Variants in PDE8A observed in about 807,000 individuals in gnomAD.
PDE8A encodes phosphodiesterase 8A.
PDE8A carries 59 observed loss-of-function variants against 105.0 expected under a neutral mutation model. The observed-to-expected ratio is 0.56, with a 90% CI of 0.46 to 0.70. The LOEUF is 0.70. PDE8A is among the 30% of genes least tolerant of loss of function. The probability of loss-of-function intolerance (pLI) is 0.00; values close to 1 mark genes in which losing one functional copy is unlikely to be tolerated. For synonymous variants in PDE8A, 355 were observed against 371.9 expected (o/e 0.95, Z 0.52); for missense variants, 1,014 against 1,045.9 (o/e 0.97, Z 0.42).
intron 1 of PDE8A, among the ~76,000 whole-genome samples, chr15:85,020,564 A>G (rs1037008876): frequency 5.3e-5 from 8 of 152,232 alleles, no homozygotes; most frequent in African/African-American, 1.7e-4. Flanking sequence ...AAATTGTACC[A>G]CTGCACTCTA....
intron 3 of PDE8A, among the ~76,000 whole-genome samples, chr15:85,067,692 T>C (rs2081250880): frequency 6.6e-6 from 1 of 152,152 alleles, no homozygotes; most frequent in South Asian, 2.1e-4. Flanking sequence ...AAATATAAAA[T>C]TTTATGACAT....
chr15:84,985,507 G>C (rs1398961725), intron 1 of PDE8A, among the ~76,000 whole-genome samples: 1 of 152,088 alleles, frequency 6.6e-6, no homozygotes, highest in East Asian at 1.9e-4. Context: ...ACTTTCCCTA[G>C]CCAGGACTTG....
intron 1 of PDE8A, among the ~76,000 whole-genome samples, chr15:84,990,352 T>C (rs2079867610): frequency 6.6e-6 from 1 of 152,216 alleles, no homozygotes; most frequent in Non-Finnish European, 1.5e-5. Flanking sequence ...CACAATATTA[T>C]AATCACCCCC....
chr15:85,116,285 G>A, intron 16 of PDE8A, 166 bp downstream of exon 16: 1 of 601,162 alleles, frequency 1.7e-6, no homozygotes, highest in South Asian at 2.3e-5. Context: ...CAGGGCCTGG[G>A]GGAGAGTCTG....
intron 1 of PDE8A, among the ~76,000 whole-genome samples, chr15:84,990,259 T>A (rs1320532859): frequency 6.6e-6 from 1 of 152,200 alleles, no homozygotes; most frequent in Non-Finnish European, 1.5e-5. Context: ...AAGTAAAATG[T>A]GTAAATTTTA....
At chr15:85,087,188 G>A (rs1407076597) in intron 6 of PDE8A, among the ~76,000 whole-genome samples, 1 of 151,482 alleles carries the variant, frequency 6.6e-6, no homozygotes, top group African/African-American at 2.4e-5. Flanking sequence ...CAGCAATAAT[G>A]TAAAGGCATT....
At chr15:84,993,519 ATG>A (rs113236271) in intron 1 of PDE8A, among the ~76,000 whole-genome samples, 2 of 151,566 alleles carry the variant, frequency 1.3e-5, no homozygotes, top group African/African-American at 4.8e-5. Context: ...TCAGGAGATA[ATG>A]TCTCTTAAAA....
At chr15:85,065,760 G>A (rs1321027390) in intron 2 of PDE8A, among the ~76,000 whole-genome samples, 1 of 152,226 alleles carries the variant, frequency 6.6e-6, no homozygotes, top group African/African-American at 2.4e-5. Context: ...GCTTCTGAAG[G>A]GATGGAGCAC....
At chr15:85,116,871 G>A (rs1343476033) in intron 16 of PDE8A, among the ~76,000 whole-genome samples, 1 of 152,164 alleles carries the variant, frequency 6.6e-6, no homozygotes, top group African/African-American at 2.4e-5. Flanking sequence ...GCACAGCCAA[G>A]GAGAGTTGAA....
At chr15:85,073,665 G>C (rs1421404875) in intron 3 of PDE8A, among the ~76,000 whole-genome samples, 1 of 152,238 alleles carries the variant, frequency 6.6e-6, no homozygotes, top group Non-Finnish European at 1.5e-5. Context: ...TGATATGATG[G>C]AAATGTAAAC....
At chr15:85,013,015 A>G (rs2080266526) in intron 1 of PDE8A, among the ~76,000 whole-genome samples, 1 of 152,246 alleles carries the variant, frequency 6.6e-6, no homozygotes, top group Admixed American at 6.5e-5. Context: ...ACAGTTAAAC[A>G]GAAATCTGGG....
rs913714635 is a variant in PDE8A at position 85,115,479 on chromosome 15, C to A, written c.1391C>A (p.Ser464Ter). Residue 464 changes from serine (S) to a stop codon, truncating the protein, a stop_gained, in exon 15 of 22, where the codon TCA (serine) becomes TAA (stop). Transcript: ENST00000394553. LOFTEE classifies it high-confidence loss of function. ...CTATCAGGGAATGAATATGTTCTTT[C>A]AACAAAAAGTAAGTTTTTCCTTTTT... Reference protein sequence around the residue: ...RRLSGNEYVLSTKNTQMVSSN... With the variant: ...RRLSGNEYVL 3 of 1,506,358 alleles carry A rather than the reference C, an allele frequency of 2.0e-6. No individual in the cohort carries two copies. The highest frequency in any genetic ancestry group is 2.9e-5 in the African/African-American group (2 of 69,560). 93.3% of individuals were successfully genotyped at this position (1,506,358 alleles called of 1,614,324 possible). A position where few individuals can be genotyped will look rare whatever the true frequency, so the allele number is the denominator to read the frequency against.
chr15:85,122,980 G>A, intron 18 of PDE8A, 81 bp from the exon 19 acceptor site: 2 of 1,412,410 alleles, frequency 1.4e-6, no homozygotes, highest in East Asian at 2.3e-5. Flanking sequence ...ACACATACCT[G>A]GATAACAGAT....
intron 20 of PDE8A, among the ~76,000 whole-genome samples, chr15:85,133,405 T>C (rs13379959): frequency 0.079 from 12,020 of 152,198 alleles, 854 homozygotes; most frequent in African/African-American, 0.18. Context: ...TAAGGTCTGC[T>C]CTGCTCCCTC....
upstream of PDE8A, among the ~76,000 whole-genome samples, chr15:84,981,601 A>T (rs2079708431): frequency 6.6e-6 from 1 of 151,836 alleles, no homozygotes; most frequent in Non-Finnish European, 1.5e-5. Flanking sequence ...CCCCACCGGC[A>T]CTCGGCCTGG....
At chr15:85,104,692 G>A (rs1342002606) in intron 11 of PDE8A, among the ~76,000 whole-genome samples, 2 of 152,144 alleles carry the variant, frequency 1.3e-5, no homozygotes, top group East Asian at 3.9e-4. Context: ...AAATAAGATC[G>A]TAAGAAAGAG....
At chr15:85,101,655 A>G (rs1481836835) in intron 11 of PDE8A, among the ~76,000 whole-genome samples, 1 of 152,208 alleles carries the variant, frequency 6.6e-6, no homozygotes, top group Non-Finnish European at 1.5e-5. Flanking sequence ...ATTACATGGA[A>G]GGAGACACCA....
chr15:85,117,054 CA>C (rs989898901), intron 16 of PDE8A, among the ~76,000 whole-genome samples: 39 of 152,204 alleles, frequency 2.6e-4, no homozygotes, highest in African/African-American at 9.2e-4. Flanking sequence ...GATGCTGGGT[CA>C]AGGTGATTTC....
rs185051886 is a variant in PDE8A at position 85,079,594 on chromosome 15, G to A, written c.546+2807G>A. On this transcript the variant is annotated intron_variant, in intron 5 of 21. Transcript: ENST00000394553. ...AAGATGAAACAACAGTGTAAAATCA[G>A]TGAGAAACACAAAGTCAGATAGAAA... 2.0e-5 allele frequency among the ~76,000 whole-genome samples: 3 copies of A among 152,314 alleles called. No homozygotes were observed. In the South Asian group the frequency reaches 6.2e-4, roughly 32 times the overall value.
Sources: allele counts gnomAD v4.1 joint callset (sites outside exome capture counted in the v4.1 genomes callset), GRCh38; gene constraint gnomAD v4.1.1; transcripts MANE v1.5; gene names NCBI Gene and HGNC (gene_info 2026-07-23, HGNC 2026-07-21).